The following ELMO1 variants were observed in gnomAD, a reference collection of about 807,000 sequenced individuals.
The protein encoded by ELMO1 is engulfment and cell motility 1, also known as engulfment and cell motility protein 1.
ELMO1 carries 26 observed loss-of-function variants against 98.9 expected under a neutral mutation model. The observed-to-expected ratio is 0.26, with a 90% CI of 0.19 to 0.36. The LOEUF is 0.36. Among genes scored for constraint, ELMO1 ranks in the 10% least tolerant of loss-of-function variants. The pLI is 1.00. For synonymous variants in ELMO1, 346 were observed against 346.0 expected, an observed-to-expected ratio of 1.00 and a Z score of 0.00; for missense variants, 627 against 935.2, an observed-to-expected ratio of 0.67 and a Z score of 4.30.
intron 14 of ELMO1, among the ~76,000 whole-genome samples, chr7:37,132,199 G>C (rs1355226468): frequency 2.6e-5 from 4 of 152,192 alleles, no homozygotes; most frequent in Non-Finnish European, 5.9e-5. Context: ...CAGGTCTCCA[G>C]GGAGCCAGTG....
At chr7:36,877,265 A>T (rs1414304926) in intron 19 of ELMO1, among the ~76,000 whole-genome samples, 1 of 152,176 alleles carries the variant, frequency 6.6e-6, no homozygotes, top group Non-Finnish European at 1.5e-5. Flanking sequence ...TACTTGGGAT[A>T]TCCTCTGAGG....
At position 37,161,420 on chromosome 7, in the gene ELMO1, G is replaced by A. The variant is rs562777718; in HGVS notation, c.1087-28186C>T. Among the ~76,000 whole-genome samples the A allele has an allele frequency of 1.1e-4, 17 of 152,074 alleles. No individual in the cohort carries two copies. In the East Asian group the frequency reaches 3.3e-3, roughly 29 times the overall value. ...TGAACTGTACATATCTCCATCCCCG[G>A]GGTTTTATCAACATAATCAGACAAT... On this transcript the variant is annotated intron_variant, in intron 13 of 21. Coordinates refer to ENST00000310758, the MANE Select transcript of ELMO1 (RefSeq NM_014800.11).
intron 13 of ELMO1, among the ~76,000 whole-genome samples, chr7:37,143,672 G>A (rs1308846139): frequency 6.7e-6 from 1 of 148,508 alleles, no homozygotes; most frequent in Non-Finnish European, 1.5e-5. Flanking sequence ...CTCCTAATGT[G>A]CTAGGATTAC....
chr7:37,384,962 GAATT>G (rs1285010972), intron 1 of ELMO1, among the ~76,000 whole-genome samples: 1 of 152,196 alleles, frequency 6.6e-6, no homozygotes, highest in Non-Finnish European at 1.5e-5. Flanking sequence ...AAAAGATGCA[GAATT>G]ATTTGACAAT....
intron 15 of ELMO1, among the ~76,000 whole-genome samples, chr7:37,069,669 A>G (rs1035516458): frequency 1.3e-5 from 2 of 152,228 alleles, no homozygotes; most frequent in African/African-American, 4.8e-5. Flanking sequence ...CTTTGGAAGA[A>G]ATGTTTCAAA....
intron 4 of ELMO1, among the ~76,000 whole-genome samples, chr7:37,282,146 T>A (rs1456760908): frequency 6.6e-6 from 1 of 152,204 alleles, no homozygotes; most frequent in African/African-American, 2.4e-5. Flanking sequence ...GAATTATGCC[T>A]ACTCAAAAAT....
chr7:37,334,756 G>A (rs913089887), intron 2 of ELMO1, among the ~76,000 whole-genome samples: 2 of 152,152 alleles, frequency 1.3e-5, no homozygotes, highest in Admixed American at 1.3e-4. Context: ...AAGGTCTTGT[G>A]TAAATCAAAT....
chr7:36,907,586 A>C (rs1784054612), intron 16 of ELMO1, among the ~76,000 whole-genome samples: 1 of 152,054 alleles, frequency 6.6e-6, no homozygotes, highest in South Asian at 2.1e-4. Context: ...TCTCCACTCC[A>C]TCCCTCTTCC....
chr7:36,935,087 C>T (rs1425986766), intron 16 of ELMO1, among the ~76,000 whole-genome samples: 2 of 152,216 alleles, frequency 1.3e-5, no homozygotes, highest in African/African-American at 4.8e-5. Context: ...TTGTAGCTCC[C>T]ATAATTCCCT....
chr7:37,373,116 G>A (rs894990067), intron 1 of ELMO1, among the ~76,000 whole-genome samples: 11 of 152,232 alleles, frequency 7.2e-5, no homozygotes, highest in Non-Finnish European at 1.5e-4. Context: ...GCATTTCATG[G>A]TGCAGCAGGA....
intron 16 of ELMO1, among the ~76,000 whole-genome samples, chr7:36,951,005 G>A (rs1345299979): frequency 1.3e-5 from 2 of 152,136 alleles, no homozygotes; most frequent in Non-Finnish European, 2.9e-5. Context: ...CACTACCCCT[G>A]TCCACACCTA....
intron 2 of ELMO1, among the ~76,000 whole-genome samples, chr7:37,339,432 C>T (rs1438141991): frequency 6.6e-6 from 1 of 152,200 alleles, no homozygotes; most frequent in Non-Finnish European, 1.5e-5. Context: ...CTTAACCCAA[C>T]TTTTGGAAAC....
chr7:37,102,601 A>T (rs1218511595), intron 14 of ELMO1, among the ~76,000 whole-genome samples: 1 of 152,236 alleles, frequency 6.6e-6, no homozygotes, highest in Non-Finnish European at 1.5e-5. Context: ...AACAGCTAAC[A>T]TTTATAGAAA....
chr7:37,267,427 T>C (rs553622917), intron 5 of ELMO1, among the ~76,000 whole-genome samples: 2 of 152,334 alleles, frequency 1.3e-5, no homozygotes, highest in East Asian at 3.9e-4. Flanking sequence ...ATGATGCATA[T>C]AGCCATGCTT....
intron 1 of ELMO1, among the ~76,000 whole-genome samples, chr7:37,370,173 G>A (rs1427054490): frequency 6.6e-6 from 1 of 152,176 alleles, no homozygotes; most frequent in Non-Finnish European, 1.5e-5. Flanking sequence ...TGCATAATAA[G>A]ACCTTTGTTC....
intron 1 of ELMO1, among the ~76,000 whole-genome samples, chr7:37,378,873 C>T (rs1562653246): frequency 6.6e-6 from 1 of 152,156 alleles, no homozygotes; most frequent in Non-Finnish European, 1.5e-5. Context: ...TGGACTCCTG[C>T]AGTAGCCTCG....
Position 37,436,428 on chromosome 7 carries a change from T to C in ELMO1, c.-74+12247A>G, listed in dbSNP as rs1403749485. Among the ~76,000 whole-genome samples, 3 of 152,352 alleles carry C rather than the reference T, an allele frequency of 2.0e-5. No homozygotes were observed. In the East Asian group the frequency reaches 5.8e-4, roughly 29 times the overall value. ...GCATACAGCCATTAGACAAGTGATT[T>C]TCATGACTATAGTAATGGAAGTCAA... On this transcript the variant is annotated intron_variant, in intron 1 of 21. Transcript: ENST00000310758.
intron 16 of ELMO1, among the ~76,000 whole-genome samples, chr7:36,931,452 T>C (rs1317426546): frequency 1.3e-5 from 2 of 152,098 alleles, no homozygotes; most frequent in Non-Finnish European, 2.9e-5. Flanking sequence ...GTACAAAAAA[T>C]TAGCTGGGGG....
intron 16 of ELMO1, among the ~76,000 whole-genome samples, chr7:36,911,887 C>T (rs929375360): frequency 1.3e-5 from 2 of 152,098 alleles, no homozygotes; most frequent in Admixed American, 1.3e-4. Context: ...ATTAATCAGT[C>T]CCCACATATC....
Sources: allele counts gnomAD v4.1 joint callset (sites outside exome capture counted in the v4.1 genomes callset), GRCh38; gene constraint gnomAD v4.1.1; transcripts MANE v1.5; gene names NCBI Gene and HGNC (gene_info 2026-07-23, HGNC 2026-07-21).